The following DIP2B variants were observed in gnomAD, a reference collection of about 807,000 sequenced individuals.
The protein encoded by DIP2B is disco-interacting protein 2 homolog B.
DIP2B carries 76 observed loss-of-function variants against 198.0 expected under a neutral mutation model. The observed-to-expected ratio is 0.38, with a 90% CI of 0.32 to 0.46. DIP2B has a LOEUF of 0.46. Ranked by LOEUF, DIP2B falls within the 20% of genes least tolerant of loss-of-function variation. The pLI is 0.99. For synonymous variants in DIP2B, 701 were observed against 739.1 expected, an observed-to-expected ratio of 0.95 and a Z score of 0.84; for missense variants, 1,559 against 1,978.4, an observed-to-expected ratio of 0.79 and a Z score of 4.02.
chr12:50,561,739 C>CT (rs1483063520), intron 1 of DIP2B, among the ~76,000 whole-genome samples: 44 of 152,278 alleles, frequency 2.9e-4, no homozygotes, highest in African/African-American at 9.9e-4. Context: ...TCCTGAGTAG[C>CT]TGGGATTACA....
At chr12:50,566,719 C>G (rs924638980) in intron 1 of DIP2B, among the ~76,000 whole-genome samples, 1 of 151,996 alleles carries the variant, frequency 6.6e-6, no homozygotes, top group Non-Finnish European at 1.5e-5. Flanking sequence ...CCTATAATCC[C>G]AGCACTTTGG....
At chr12:50,521,601 T>C (rs1958120601) in intron 1 of DIP2B, among the ~76,000 whole-genome samples, 1 of 151,608 alleles carries the variant, frequency 6.6e-6, no homozygotes, top group African/African-American at 2.4e-5. Context: ...CAAGTGATTC[T>C]TGTGCCTCAG....
intron 3 of DIP2B, among the ~76,000 whole-genome samples, chr12:50,656,720 C>T (rs1938560577): frequency 6.6e-6 from 1 of 152,124 alleles, no homozygotes; most frequent in South Asian, 2.1e-4. Flanking sequence ...TACAGGCATG[C>T]GCCACCATGC....
At chr12:50,626,101 C>G in intron 2 of DIP2B, 54 bp downstream of exon 2, 3 of 1,555,600 alleles carry the variant, frequency 1.9e-6, no homozygotes, top group Non-Finnish European at 2.7e-6. Flanking sequence ...CCAAAAGATG[C>G]TGTCTTACAA....
At chr12:50,558,991 G>C (rs1194629460) in intron 1 of DIP2B, among the ~76,000 whole-genome samples, 1 of 152,182 alleles carries the variant, frequency 6.6e-6, no homozygotes, top group Non-Finnish European at 1.5e-5. Flanking sequence ...TTTCTGCAAG[G>C]GGAAAATAGA....
chr12:50,623,358 TAGAG>T (rs1375919167), intron 1 of DIP2B, among the ~76,000 whole-genome samples: 2 of 143,498 alleles, frequency 1.4e-5, no homozygotes, highest in African/African-American at 2.7e-5. Context: ...GCCTGGGTGA[TAGAG>T]GGAGACCCTG....
intron 1 of DIP2B, among the ~76,000 whole-genome samples, chr12:50,528,703 A>G (rs1958189563): frequency 1.3e-5 from 2 of 152,174 alleles, no homozygotes; most frequent in Admixed American, 1.3e-4. Context: ...AGTATTTCTG[A>G]TAGAATCCTA....
At chr12:50,511,289 C>CTTTTTTTTTTT (rs1316212138) in intron 1 of DIP2B, among the ~76,000 whole-genome samples, 452 of 20,456 alleles carry the variant, frequency 0.022, 1 homozygote, top group Non-Finnish European at 0.031. Context: ...AGTGTGATTT[C>CTTTTTTTTTTT]TATTTTTTTT....
At chr12:50,647,634 T>TA (rs1938373526) in intron 3 of DIP2B, among the ~76,000 whole-genome samples, 1 of 152,124 alleles carries the variant, frequency 6.6e-6, no homozygotes, top group Non-Finnish European at 1.5e-5. Context: ...CCTTGAACAA[T>TA]ACCTCTCTGC....
chr12:50,655,357 C>T (rs1032363105), intron 3 of DIP2B, among the ~76,000 whole-genome samples: 1 of 152,332 alleles, frequency 6.6e-6, no homozygotes, highest in Admixed American at 6.5e-5. Flanking sequence ...TATGTATCTA[C>T]TACCTATAGC....
intron 1 of DIP2B, among the ~76,000 whole-genome samples, chr12:50,582,145 G>GTTTTTTTTTTTTTTTTT (rs367699036): frequency 2.6e-5 from 2 of 77,552 alleles, no homozygotes; most frequent in African/African-American, 6.2e-5. Flanking sequence ...CTTTTTTTCT[G>GTTTTTTTTTTTTTTTTT]TTTTTTTTTT....
chr12:50,641,474 G>A (rs898107423), intron 3 of DIP2B, among the ~76,000 whole-genome samples: 3 of 152,200 alleles, frequency 2.0e-5, no homozygotes, highest in African/African-American at 7.2e-5. Flanking sequence ...TGAAGGGTTG[G>A]GTCTTGTGGG....
intron 31 of DIP2B, 31 bp downstream of exon 31, chr12:50,731,568 C>G: frequency 6.3e-7 from 1 of 1,588,598 alleles, no homozygotes; most frequent in African/African-American, 1.3e-5. Context: ...GTGGCCAGTC[C>G]CAAAAGGTTC....
At chr12:50,649,076 A>G (rs919489298) in intron 3 of DIP2B, among the ~76,000 whole-genome samples, 15 of 152,308 alleles carry the variant, frequency 9.8e-5, no homozygotes, top group East Asian at 5.8e-4. Context: ...TATGAAAAAA[A>G]CTTTAAAACC....
chr12:50,716,120 A>G (rs142603119), intron 23 of DIP2B, among the ~76,000 whole-genome samples: 1 of 152,188 alleles, frequency 6.6e-6, no homozygotes, highest in Non-Finnish European at 1.5e-5. Flanking sequence ...TATTAATTTT[A>G]TAATGTAAAT....
At chr12:50,678,930 TG>T (rs1319135507) in intron 8 of DIP2B, 54 bp downstream of exon 8, 1 of 1,596,128 alleles carries the variant, frequency 6.3e-7, no homozygotes, top group Non-Finnish European at 8.6e-7. Flanking sequence ...CAGAATATCA[TG>T]GGTAGTGTTT....
At chr12:50,741,567 C>G in intron 37 of DIP2B, 28 bp downstream of exon 37, 2 of 1,599,356 alleles carry the variant, frequency 1.3e-6, no homozygotes, top group Non-Finnish European at 1.7e-6. Context: ...CACTGTGCTT[C>G]CCACTTCAGC....
At chr12:50,654,852 GCAAT>G (rs2139505192) in intron 3 of DIP2B, among the ~76,000 whole-genome samples, 1 of 152,318 alleles carries the variant, frequency 6.6e-6, no homozygotes, top group South Asian at 2.1e-4. Flanking sequence ...CAAGTTGGCA[GCAAT>G]CAAAAAGCTA....
At chr12:50,695,442 C>A in intron 15 of DIP2B, 82 bp downstream of exon 15, 2 of 1,283,592 alleles carry the variant, frequency 1.6e-6, no homozygotes, top group South Asian at 1.2e-5. Flanking sequence ...TTCAAATTGC[C>A]CTTGTATGCC....
Sources: gnomAD v4.1 joint callset for allele counts (sites outside exome capture counted in the v4.1 genomes callset) on GRCh38, gnomAD v4.1.1 for gene constraint, MANE v1.5 for transcripts, NCBI Gene and HGNC (gene_info 2026-07-23, HGNC 2026-07-21) for gene names.